The following NRXN1 variants were observed in gnomAD, a reference collection of about 807,000 sequenced individuals.
NRXN1 encodes neurexin 1, also known as neurexin-1.
In NRXN1, 39 loss-of-function variants were observed where a neutral mutation model predicts 150.9. The observed-to-expected ratio is 0.26, with a 90% CI of 0.20 to 0.34. The LOEUF is 0.34. Ranked by LOEUF, NRXN1 falls within the 10% of genes least tolerant of loss-of-function variation. The pLI, the probability that NRXN1 is intolerant of heterozygous loss-of-function variation, is 1.00. For synonymous variants in NRXN1, 924 were observed against 757.0 expected (o/e 1.22, Z -3.62); for missense variants, 1,815 against 1,949.9 (o/e 0.93, Z 1.30).
chr2:50,902,730 G>A lies in NRXN1; in HGVS notation c.832+19139C>T, dbSNP rs375000995. Among the ~76,000 whole-genome samples, 65 of 152,230 alleles carry A rather than the reference G, an allele frequency of 4.3e-4. 7 individuals carry two copies. Among genetic ancestry groups the A allele is most frequent in the Admixed American group, 2.5e-3 (38 of 15,290 alleles). ...GGTTCTGACTTGCTATTTCCTTACT[G>A]TGTAATGTGAAAAAGTTTTTATCTT... On this transcript the variant is annotated intron_variant, in intron 5 of 22. Transcript: ENST00000401669.
chr2:50,457,932 CA>C (rs900119693), intron 17 of NRXN1, among the ~76,000 whole-genome samples: 4 of 152,038 alleles, frequency 2.6e-5, no homozygotes, highest in African/African-American at 9.7e-5. Context: ...GGTGGTTCCT[CA>C]AAAAATCAAA....
chr2:50,427,735 T>C (rs2084615699), intron 17 of NRXN1, among the ~76,000 whole-genome samples: 1 of 152,238 alleles, frequency 6.6e-6, no homozygotes, highest in South Asian at 2.1e-4. Flanking sequence ...AGTCAGTAAT[T>C]GAACTTTCCT....
intron 2 of NRXN1, among the ~76,000 whole-genome samples, chr2:50,997,559 G>A (rs994009705): frequency 7.1e-6 from 1 of 141,014 alleles, no homozygotes; most frequent in Non-Finnish European, 1.5e-5. Context: ...CTAGGCTGGA[G>A]TGCAGTGGCA....
intron 19 of NRXN1, among the ~76,000 whole-genome samples, chr2:50,066,227 T>C (rs1274477922): frequency 6.6e-6 from 1 of 152,212 alleles, no homozygotes; most frequent in Non-Finnish European, 1.5e-5. Flanking sequence ...GAAATTATTG[T>C]ACTCTGAAAG....
In NRXN1 at chr2:50,508,344, A is replaced by G. The variant is rs189089798; in HGVS notation, c.2375-1727T>C. ...TTAAGAGATTGATGGCTAAATAACT[A>G]GAGAAAGCCTGCTAGTCCAGCAACT... On this transcript the variant is annotated intron_variant, in intron 12 of 22. Coordinates refer to ENST00000401669, the MANE Select transcript of NRXN1 (RefSeq NM_001330078.2). Among the ~76,000 whole-genome samples the G allele has an allele frequency of 1.8e-3, 276 of 152,276 alleles. 2 individuals carry two copies. The highest frequency in any genetic ancestry group is 0.015 in the Admixed American group (235 of 15,280).
At chr2:50,628,369 CAT>C (rs1307543493) in intron 5 of NRXN1, among the ~76,000 whole-genome samples, 2 of 151,630 alleles carry the variant, frequency 1.3e-5, no homozygotes, top group South Asian at 2.1e-4. Context: ...AAGGCAACCA[CAT>C]AGTTTTGGAA....
At chr2:50,597,767 G>C (rs868091202) in intron 8 of NRXN1, among the ~76,000 whole-genome samples, 3 of 152,288 alleles carry the variant, frequency 2.0e-5, no homozygotes, top group Middle Eastern at 6.8e-3. Context: ...ATAAATGTTT[G>C]TTAAGCAAAT....
chr2:50,437,199 A>T (rs1000708923), intron 17 of NRXN1, among the ~76,000 whole-genome samples: 6 of 152,250 alleles, frequency 3.9e-5, no homozygotes, highest in Admixed American at 3.9e-4. Flanking sequence ...TAAAGACATA[A>T]GTAAGCAGTA....
At chr2:50,009,859 T>G (rs1490524040) in intron 21 of NRXN1, among the ~76,000 whole-genome samples, 1 of 152,150 alleles carries the variant, frequency 6.6e-6, no homozygotes, top group African/African-American at 2.4e-5. Context: ...TTTGCATAAC[T>G]ACTGTAATCA....
intron 18 of NRXN1, among the ~76,000 whole-genome samples, chr2:50,110,032 A>C (rs1286906049): frequency 1.3e-5 from 2 of 152,152 alleles, no homozygotes; most frequent in African/African-American, 4.8e-5. Flanking sequence ...ACTATGTAAG[A>C]GGAAACTTTA....
intron 15 of NRXN1, among the ~76,000 whole-genome samples, chr2:50,490,768 G>T (rs1020010150): frequency 1.3e-5 from 2 of 152,012 alleles, no homozygotes; most frequent in African/African-American, 2.4e-5. Context: ...TGTATCCGAG[G>T]GAAAAACCAA....
intron 5 of NRXN1, among the ~76,000 whole-genome samples, chr2:50,735,844 T>C (rs1698672699): frequency 6.6e-6 from 1 of 152,146 alleles, no homozygotes; most frequent in Non-Finnish European, 1.5e-5. Flanking sequence ...AACCTATACA[T>C]CTGCCGTACT....
At chr2:50,111,992 G>T (rs1702437651) in intron 18 of NRXN1, among the ~76,000 whole-genome samples, 1 of 150,890 alleles carries the variant, frequency 6.6e-6, no homozygotes, top group African/African-American at 2.4e-5. Flanking sequence ...CTTAATTAGG[G>T]CACCACTTTT....
chr2:50,502,114 T>C (rs1455629498), intron 13 of NRXN1, among the ~76,000 whole-genome samples: 1 of 152,144 alleles, frequency 6.6e-6, no homozygotes, highest in Non-Finnish European at 1.5e-5. Flanking sequence ...GGAAGCCTTT[T>C]ATGTACTACG....
At chr2:50,084,503 T>C (rs1281711847) in intron 19 of NRXN1, among the ~76,000 whole-genome samples, 2 of 152,048 alleles carry the variant, frequency 1.3e-5, no homozygotes. Flanking sequence ...CCGCTGCAAG[T>C]GCAGGGCCCA....
chr2:50,800,333 C>T (rs1423922051), intron 5 of NRXN1, among the ~76,000 whole-genome samples: 1 of 152,134 alleles, frequency 6.6e-6, no homozygotes, highest in Non-Finnish European at 1.5e-5. Flanking sequence ...CAGGTTAAGC[C>T]TCACTATCTA....
At chr2:49,978,112 A>AG (rs1383697473) in intron 21 of NRXN1, among the ~76,000 whole-genome samples, 3 of 152,096 alleles carry the variant, frequency 2.0e-5, no homozygotes, top group African/African-American at 7.2e-5. Context: ...CAGTGAGCTG[A>AG]GATTGCACCA....
At chr2:50,318,314 A>T (rs1296446173) in intron 17 of NRXN1, among the ~76,000 whole-genome samples, 1 of 152,150 alleles carries the variant, frequency 6.6e-6, no homozygotes, top group African/African-American at 2.4e-5. Flanking sequence ...TTAGATGAGA[A>T]CACAGAGCAA....
chr2:50,744,096 T>C lies in NRXN1; in HGVS notation c.833-120481A>G, dbSNP rs561300956. 2.6e-5 allele frequency among the ~76,000 whole-genome samples: 4 copies of C among 152,296 alleles called. No individual in the cohort carries two copies. The South Asian group carries it at 8.3e-4, about 32-fold the overall frequency. ...TTCACATGTGTTGAGAACATTTATA[T>C]ACAAGACCTGAGCTACACAATTTTA... On this transcript the variant is annotated intron_variant, in intron 5 of 22. Transcript: ENST00000401669.
Sources: gnomAD v4.1 joint callset for allele counts (sites outside exome capture counted in the v4.1 genomes callset) on GRCh38, gnomAD v4.1.1 for gene constraint, MANE v1.5 for transcripts, NCBI Gene and HGNC (gene_info 2026-07-23, HGNC 2026-07-21) for gene names.